NRG1: variants seen among roughly 807,000 people sequenced by gnomAD.
NRG1 encodes the protein pro-neuregulin-1, membrane-bound isoform.
Under a neutral mutation model 63.8 loss-of-function variants are expected in NRG1, and 18 were observed. That is an observed-to-expected ratio of 0.28 (90% CI 0.19 to 0.42). The LOEUF (loss-of-function observed/expected upper bound fraction) is 0.42, where lower values mean the gene tolerates loss of function less well. Ranked by LOEUF, NRG1 falls within the 10% of genes least tolerant of loss-of-function variation. NRG1 has a pLI of 1.00. For synonymous variants in NRG1, 302 were observed against 301.3 expected, an observed-to-expected ratio of 1.00 and a Z score of -0.02; for missense variants, 762 against 814.7, an observed-to-expected ratio of 0.94 and a Z score of 0.79.
intron 1 of NRG1, among the ~76,000 whole-genome samples, chr8:32,365,020 G>A (rs1281930558): frequency 7.4e-6 from 1 of 136,032 alleles, no homozygotes; most frequent in Non-Finnish European, 1.5e-5. Context: ...GTGCAGTGGC[G>A]TGATCATGGC....
rs573219190 is a variant in NRG1, at chr8:32,309,796, C to T, written c.38-286032C>T. Among the ~76,000 whole-genome samples, 5 of 152,292 alleles carry T rather than the reference C, an allele frequency of 3.3e-5. No individual in the cohort carries two copies. In the South Asian group the frequency reaches 1.0e-3, roughly 32 times the overall value. ...GTCCTTGTTCCCATGGTGGTGACAC[C>T]GATCTTGAAGCTTAAAAAATCCCCC... is the stretch of plus-strand genomic sequence containing the variant. On this transcript the variant is annotated intron_variant, in intron 1 of 10. Coordinates refer to the NRG1 transcript ENST00000519301.
intron 1 of NRG1, among the ~76,000 whole-genome samples, chr8:32,212,151 G>A (rs1001763975): frequency 6.6e-6 from 1 of 152,062 alleles, no homozygotes; most frequent in South Asian, 2.1e-4. Context: ...AATTATGTAA[G>A]GTTTGATTTA....
At chr8:32,719,944 A>G (rs1480502909) in intron 5 of NRG1, among the ~76,000 whole-genome samples, 1 of 152,086 alleles carries the variant, frequency 6.6e-6, no homozygotes, top group Non-Finnish European at 1.5e-5. Flanking sequence ...TTGACTTTCT[A>G]ATTTCATCAA....
chr8:32,636,912 G>T (rs1851443052), intron 5 of NRG1, among the ~76,000 whole-genome samples: 1 of 152,016 alleles, frequency 6.6e-6, no homozygotes, highest in Non-Finnish European at 1.5e-5. Flanking sequence ...GGAGGCTGGG[G>T]GATGATGCAG....
chr8:32,616,231 A>T (rs1847339874), intron 4 of NRG1, among the ~76,000 whole-genome samples: 1 of 151,932 alleles, frequency 6.6e-6, no homozygotes. Context: ...TACCTGAGAA[A>T]ATCTTGCTAC....
intron 2 of NRG1, among the ~76,000 whole-genome samples, chr8:32,598,100 G>C (rs1288336249): frequency 1.3e-5 from 2 of 152,162 alleles, no homozygotes; most frequent in Admixed American, 1.3e-4. Flanking sequence ...TGCTAGGACT[G>C]TGGAGAAATT....
chr8:32,412,992 A>G (rs1345286155), intron 1 of NRG1, among the ~76,000 whole-genome samples: 1 of 152,136 alleles, frequency 6.6e-6, no homozygotes, highest in East Asian at 1.9e-4. Flanking sequence ...TCCTCGCCCA[A>G]AGCTACACAC....
intron 1 of NRG1, among the ~76,000 whole-genome samples, chr8:32,058,368 C>T (rs1823310674): frequency 1.3e-5 from 2 of 152,078 alleles, no homozygotes; most frequent in African/African-American, 4.8e-5. Context: ...CCTGGCACAA[C>T]ACATGCATTG....
intron 1 of NRG1, among the ~76,000 whole-genome samples, chr8:32,314,477 C>T (rs1857157796): frequency 6.6e-6 from 1 of 152,180 alleles, no homozygotes; most frequent in African/African-American, 2.4e-5. Flanking sequence ...TATTACCCTC[C>T]TCGGTTGGCT....
chr8:31,641,276 G>A (rs987522691), intron 1 of NRG1, among the ~76,000 whole-genome samples: 1 of 152,090 alleles, frequency 6.6e-6, no homozygotes, highest in South Asian at 2.1e-4. Flanking sequence ...GAGAGGTGCA[G>A]TCTGTACCTT....
intron 1 of NRG1, among the ~76,000 whole-genome samples, chr8:32,499,949 A>C (rs1827663932): frequency 6.6e-6 from 1 of 152,204 alleles, no homozygotes; most frequent in African/African-American, 2.4e-5. Context: ...CATTAATTAC[A>C]AGATGGCAGG....
intron 1 of NRG1, among the ~76,000 whole-genome samples, chr8:32,529,194 G>A (rs575006824): frequency 6.6e-6 from 1 of 152,272 alleles, no homozygotes; most frequent in Admixed American, 6.5e-5. Flanking sequence ...TAACACAAAG[G>A]TATTTATGCA....
chr8:31,652,023 T>A (rs191748361), intron 1 of NRG1, among the ~76,000 whole-genome samples: 1 of 152,310 alleles, frequency 6.6e-6, no homozygotes, highest in East Asian at 1.9e-4. Flanking sequence ...CACATTTGTA[T>A]CCTAATAATG....
At chr8:32,720,405 C>G (rs559827118) in intron 5 of NRG1, among the ~76,000 whole-genome samples, 1 of 152,162 alleles carries the variant, frequency 6.6e-6, no homozygotes, top group African/African-American at 2.4e-5. Context: ...AGTCAGATGG[C>G]CTGCTGATAT....
intron 1 of NRG1, among the ~76,000 whole-genome samples, chr8:32,091,630 G>T (rs1445679178): frequency 6.6e-6 from 1 of 152,104 alleles, no homozygotes; most frequent in African/African-American, 2.4e-5. Flanking sequence ...AGGTGTCATG[G>T]GCTCTACAAG....
intron 1 of NRG1, among the ~76,000 whole-genome samples, chr8:32,214,114 C>T (rs374818105): frequency 3.9e-5 from 6 of 152,164 alleles, no homozygotes; most frequent in African/African-American, 1.2e-4. Context: ...TTTATCCTTC[C>T]TAGTAGAGAG....
At chr8:32,607,750 G>A (rs1845511690) in intron 3 of NRG1, among the ~76,000 whole-genome samples, 1 of 152,206 alleles carries the variant, frequency 6.6e-6, no homozygotes, top group East Asian at 1.9e-4. Context: ...GATGAAACTC[G>A]AGGTGTTTTT....
At chr8:31,954,837 G>A (rs1173012512) in intron 1 of NRG1, among the ~76,000 whole-genome samples, 3 of 152,120 alleles carry the variant, frequency 2.0e-5, no homozygotes, top group Non-Finnish European at 4.4e-5. Context: ...TTTGAATTAA[G>A]GTCTCTAGGC....
chr8:32,283,273 T>G (rs1188221588), intron 1 of NRG1, among the ~76,000 whole-genome samples: 1 of 152,216 alleles, frequency 6.6e-6, no homozygotes, highest in African/African-American at 2.4e-5. Context: ...TTTGCTCAGC[T>G]TTTCTGAAAA....
Sources: allele counts gnomAD v4.1 joint callset (sites outside exome capture counted in the v4.1 genomes callset), GRCh38; gene constraint gnomAD v4.1.1; transcripts MANE v1.5; gene names NCBI Gene and HGNC (gene_info 2026-07-23, HGNC 2026-07-21).